Variants in ANKMY1 observed in about 807,000 individuals in gnomAD.
ANKMY1 encodes the protein ankyrin repeat and MYND domain containing 1.
Under a neutral mutation model 102.0 loss-of-function variants are expected in ANKMY1, and 98 were observed. That is an observed-to-expected ratio of 0.96 (90% CI 0.82 to 1.14). ANKMY1 has a LOEUF of 1.14. Ranked by LOEUF, ANKMY1 falls within the 50% of genes most tolerant of loss-of-function variation. The pLI is 0.00. For missense variants in ANKMY1, 1,330 were observed against 1,347.6 expected, an observed-to-expected ratio of 0.99 and a Z score of 0.20; for synonymous variants, 582 against 559.9, an observed-to-expected ratio of 1.04 and a Z score of -0.56.
chr2:240,520,416 C>G lies in ANKMY1; in HGVS notation c.1950G>C (p.Gly650=). The G allele has an allele frequency of 6.2e-7, 1 of 1,607,680 alleles. No homozygotes were observed. Among genetic ancestry groups the G allele is most frequent in the Non-Finnish European group, 8.5e-7 (1 of 1,177,292 alleles). The change falls in exon 9 of 18, where the codon GGG becomes GGC. Residue 650 remains glycine, a synonymous_variant. Transcript: ENST00000401804. The surrounding 1 kb of genome is among the most constrained non-coding windows in gnomAD (Gnocchi z 4.8). ...CCCCGTGCTCCAGCAGCAGCCTCAC[C>G]CCATCCACGTCCCCGGCCTTCACAG... ...FLAVKAGDVD[G]VRLLLEHGAR... is the part of the protein sequence containing the mutation.
chr2:240,545,454 T>C (rs923088551), intron 4 of ANKMY1, among the ~76,000 whole-genome samples: 1 of 152,108 alleles, frequency 6.6e-6, no homozygotes, highest in Non-Finnish European at 1.5e-5. Context: ...GCAGAGCGCC[T>C]CTCCTCCTTC....
At position 240,499,919 on chromosome 2, in the gene ANKMY1, C is replaced by T. The variant is rs747611229; in HGVS notation, c.2806+39G>A. 11 of 1,572,112 alleles carry T rather than the reference C, an allele frequency of 7.0e-6. No individual in the cohort carries two copies. Among genetic ancestry groups the T allele is most frequent in the Admixed American group, 3.5e-5 (2 of 56,604 alleles). The stretch of plus-strand genomic sequence containing the variant: ...AGCCCCAGGCACGAGGCCGGAACGC[C>T]GCCCTGTGGAGCAGAGCAGAGCAGG... On this transcript the variant is annotated intron_variant, in intron 15 of 17. Coordinates refer to ENST00000401804, the MANE Select transcript of ANKMY1 (RefSeq NM_001282771.3). The surrounding 1 kb of genome is among the most constrained non-coding windows in gnomAD (Gnocchi z 4.2).
chr2:240,497,670 T>C (rs2077442568), intron 15 of ANKMY1, among the ~76,000 whole-genome samples: 1 of 152,210 alleles, frequency 6.6e-6, no homozygotes, highest in African/African-American at 2.4e-5. Context: ...GTTACTCCAG[T>C]GAATTTACCA....
intron 4 of ANKMY1, among the ~76,000 whole-genome samples, chr2:240,546,530 T>A (rs1165081281): frequency 6.6e-6 from 1 of 152,084 alleles, no homozygotes; most frequent in Admixed American, 6.5e-5. Context: ...TAAATGTAAA[T>A]GGACTAAATG....
the ANKMY1 span, among the ~76,000 whole-genome samples, chr2:240,469,055 G>C: frequency 1.3e-5 from 2 of 152,184 alleles, no homozygotes; most frequent in African/African-American, 4.8e-5. Context: ...GGGGCTCAGC[G>C]GGGCCCCTAG....
intron 4 of ANKMY1, among the ~76,000 whole-genome samples, chr2:240,531,440 G>C (rs1410461346): frequency 6.6e-6 from 1 of 152,124 alleles, no homozygotes; most frequent in Admixed American, 6.6e-5. Context: ...CAACCGTTCT[G>C]GGCAGCTTTA....
chr2:240,530,539 G>A (rs2085098108), intron 4 of ANKMY1, among the ~76,000 whole-genome samples: 1 of 152,178 alleles, frequency 6.6e-6, no homozygotes, highest in Admixed American at 6.5e-5. Context: ...AGCTTCTTGA[G>A]GCTGTCCCAG....
intron 4 of ANKMY1, among the ~76,000 whole-genome samples, chr2:240,531,618 G>T (rs1050781905): frequency 6.6e-6 from 1 of 152,084 alleles, no homozygotes; most frequent in Non-Finnish European, 1.5e-5. Context: ...GTAAGCAAAA[G>T]AAATCAAACA....
At chr2:240,496,303 A>T (rs1010471412) in intron 15 of ANKMY1, among the ~76,000 whole-genome samples, 1 of 151,932 alleles carries the variant, frequency 6.6e-6, no homozygotes, top group Non-Finnish European at 1.5e-5. Context: ...CATTTCTCCA[A>T]ATATTCTTCC....
chr2:240,481,219 G>C, intron 16 of ANKMY1, 122 bp from the exon 17 acceptor site: 1 of 1,267,926 alleles, frequency 7.9e-7, no homozygotes, highest in Non-Finnish European at 1.1e-6. Context: ...GTCCCGCACT[G>C]TCCCCTGCAT....
chr2:240,487,264 G>A (rs1185384893), intron 15 of ANKMY1, among the ~76,000 whole-genome samples: 2 of 152,170 alleles, frequency 1.3e-5, no homozygotes, highest in Non-Finnish European at 2.9e-5. Flanking sequence ...ATTTCACTAA[G>A]ATACTAATCT....
At chr2:240,523,432 T>G in intron 8 of ANKMY1, 1 of 171,598 alleles carries the variant, frequency 5.8e-6, no homozygotes, top group Non-Finnish European at 1.3e-5. Context: ...CCTGAAAGGG[T>G]CTTGGACCCC....
At chr2:240,535,393 C>G (rs528045546) in intron 4 of ANKMY1, among the ~76,000 whole-genome samples, 83 of 152,090 alleles carry the variant, frequency 5.5e-4, no homozygotes, top group Non-Finnish European at 8.4e-4. Flanking sequence ...GATAAAGAAC[C>G]AAGTTTTATT....
chr2:240,510,879 C>G (rs1209926813), intron 11 of ANKMY1, among the ~76,000 whole-genome samples: 1 of 152,108 alleles, frequency 6.6e-6, no homozygotes, highest in East Asian at 1.9e-4. Flanking sequence ...AGTGTGCGAA[C>G]AGAAAGCCCT....
In ANKMY1 at chr2:240,520,248, T is replaced by C; in HGVS notation, c.2004+114A>G. The stretch of plus-strand genomic sequence containing the variant: ...CCGTCATCACTCACAGCCCAGGTGG[T>C]CGCCTGCAAGAGCCCACCCCTCTCT... On this transcript the variant is annotated intron_variant, in intron 9 of 17. Transcript: ENST00000401804. The surrounding 1 kb of genome is among the most constrained non-coding windows in gnomAD (Gnocchi z 4.8). 6.9e-7 allele frequency: 1 copy of C among 1,447,898 alleles called. No individual in the cohort carries two copies. 89.7% of individuals were successfully genotyped at this position (1,447,898 alleles called of 1,614,324 possible).
In ANKMY1 at chr2:240,553,140, G is replaced by A; in HGVS notation, c.337-83C>T. The stretch of plus-strand genomic sequence containing the variant: ...CCTTGAGGCTGAGCCACCATGCCTG[G>A]TTGGCAATGAATGGGGACCACCCAG... On this transcript the variant is annotated intron_variant, in intron 3 of 17. Transcript: ENST00000401804. The A allele has an allele frequency of 8.6e-6, 13 of 1,506,602 alleles. No individual in the cohort carries two copies. In the South Asian group the frequency reaches 1.6e-4, roughly 18 times the overall value. The allele number at this position is 1,506,602 out of a possible 1,614,324, so 93.3% of individuals were successfully genotyped here.
chr2:240,559,416 T>C (rs1025842668), upstream of ANKMY1, among the ~76,000 whole-genome samples: 3 of 152,318 alleles, frequency 2.0e-5, no homozygotes, highest in African/African-American at 7.2e-5. Context: ...CTTATGGCCA[T>C]GAGAGAACAG....
In ANKMY1 at chr2:240,523,974, G is replaced by A. The variant is rs148389009; in HGVS notation, c.1743C>T (p.Ser581=). The stretch of plus-strand genomic sequence containing the variant: ...GCGAGGCCATCTTCAGCAAGCTGTG[G>A]GACTGGGCGCTTCTCTCCAGCATGG... ...SQAMLERSAQ[S]HSLLKMASPS... Residue 581 remains serine (S), a synonymous_variant, in exon 8 of 18, where the codon TCC becomes TCT. Coordinates refer to ENST00000401804, the MANE Select transcript of ANKMY1 (RefSeq NM_001282771.3). The A allele has an allele frequency of 2.5e-5, 41 of 1,613,776 alleles. No homozygotes were observed. The highest frequency in any genetic ancestry group is 3.4e-5 in the Non-Finnish European group (40 of 1,180,056).
At chr2:240,525,998 G>A (rs1480054020) in intron 6 of ANKMY1, 149 bp from the exon 7 acceptor site, 5 of 1,099,988 alleles carry the variant, frequency 4.5e-6, no homozygotes, top group Non-Finnish European at 6.6e-6. Context: ...GGACAAGTGT[G>A]GGACAGAGGA....
Sources: gnomAD v4.1 joint callset for allele counts (sites outside exome capture counted in the v4.1 genomes callset) on GRCh38, gnomAD v4.1.1 for gene constraint, Gnocchi (gnomAD v3.1) non-coding constraint, MANE v1.5 for transcripts, NCBI Gene and HGNC (gene_info 2026-07-23, HGNC 2026-07-21) for gene names.